The following C10orf143 variants were observed in gnomAD, a reference collection of about 807,000 sequenced individuals.
The protein encoded by C10orf143 is chromosome 10 open reading frame 143.
intron 3 of C10orf143, among the ~76,000 whole-genome samples, chr10:130,076,280 G>C (rs1015182794): frequency 6.6e-6 from 1 of 152,180 alleles, no homozygotes; most frequent in Non-Finnish European, 1.5e-5. Context: ...GAGGGCTAGA[G>C]AGAGAGAGAA....
At chr10:130,051,243 CCCCG>C (rs1590005609) in intron 3 of C10orf143, among the ~76,000 whole-genome samples, 1 of 151,520 alleles carries the variant, frequency 6.6e-6, no homozygotes, top group Non-Finnish European at 1.5e-5. Flanking sequence ...CCTCTCCTAC[CCCCG>C]CCTCATTAAG....
intron 1 of C10orf143, among the ~76,000 whole-genome samples, chr10:130,103,787 G>A (rs895221024): frequency 3.3e-5 from 5 of 151,460 alleles, no homozygotes; most frequent in Admixed American, 6.6e-5. Flanking sequence ...TGCAACCTGG[G>A]CAACAGAGCA....
At chr10:130,097,284 C>T (rs1003749216) in intron 1 of C10orf143, among the ~76,000 whole-genome samples, 3 of 152,018 alleles carry the variant, frequency 2.0e-5, no homozygotes, top group African/African-American at 7.2e-5. Flanking sequence ...CAGGCATGGG[C>T]GCTCATGCCT....
downstream of C10orf143, among the ~76,000 whole-genome samples, chr10:130,063,512 T>A (rs1860880439): frequency 6.6e-6 from 1 of 152,212 alleles, no homozygotes; most frequent in Non-Finnish European, 1.5e-5. Context: ...TTCTGGATCA[T>A]CCATATCCCA....
Position 130,110,752 on chromosome 10 carries a change from GC to G in C10orf143, c.20del (p.Gly7AlafsTer17). On this transcript the variant is annotated frameshift_variant, in exon 1 of 4. Transcript: ENST00000637128. LOFTEE classifies it high-confidence loss of function. MDSLAL[G>X]RWRQRRAEDL... is the part of the protein sequence containing the mutation. ...CCTCCGCCCTCCGCTGTCGCCAGCG[GC>G]CGAGCGCTAAGCTGTCCATGCAGCC... 1 of 398,978 alleles carries G rather than the reference GC, an allele frequency of 2.5e-6. No homozygotes were observed. Among genetic ancestry groups the G allele is most frequent in the Admixed American group, 4.4e-5 (1 of 22,744 alleles). The allele number at this position is 398,978 out of a possible 1,614,324, so 24.7% of individuals were successfully genotyped here.
At chr10:130,104,004 T>C (rs1861599848) in intron 1 of C10orf143, 1 of 152,116 alleles carries the variant, frequency 6.6e-6, no homozygotes, top group African/African-American at 2.4e-5. Flanking sequence ...TGGACATGAA[T>C]CTTTAGGCGT....
intron 1 of C10orf143, among the ~76,000 whole-genome samples, chr10:130,089,077 T>C (rs926873155): frequency 6.6e-6 from 1 of 152,214 alleles, no homozygotes; most frequent in Non-Finnish European, 1.5e-5. Context: ...AGTTCTGATA[T>C]GAGCAAGCCA....
chr10:130,043,513 G>A (rs1358299353), intron 3 of C10orf143, among the ~76,000 whole-genome samples: 5 of 152,198 alleles, frequency 3.3e-5, no homozygotes, highest in African/African-American at 7.2e-5. Flanking sequence ...AACTTTGCTC[G>A]TTCCAGCAGC....
At chr10:130,037,725 C>G (rs1250337062) in intron 3 of C10orf143, among the ~76,000 whole-genome samples, 1 of 152,222 alleles carries the variant, frequency 6.6e-6, no homozygotes, top group African/African-American at 2.4e-5. Flanking sequence ...TACGTGACAA[C>G]TGTCAGACAA....
chr10:130,087,342 T>A (rs1225812681), intron 1 of C10orf143, among the ~76,000 whole-genome samples: 2 of 152,142 alleles, frequency 1.3e-5, no homozygotes, highest in Non-Finnish European at 2.9e-5. Flanking sequence ...TTGTACTATA[T>A]GAACGAAATG....
chr10:130,094,598 T>C (rs1861434490), intron 1 of C10orf143, among the ~76,000 whole-genome samples: 1 of 152,074 alleles, frequency 6.6e-6, no homozygotes, highest in Admixed American at 6.6e-5. Flanking sequence ...ATGTAATCCA[T>C]GACATAAGCA....
intron 3 of C10orf143, among the ~76,000 whole-genome samples, chr10:130,070,691 G>A (rs1861015926): frequency 6.6e-6 from 1 of 152,084 alleles, no homozygotes; most frequent in African/African-American, 2.4e-5. Context: ...TATTCCTTTA[G>A]TAGATATATA....
chr10:130,096,439 A>G (rs1185702), intron 1 of C10orf143, among the ~76,000 whole-genome samples: 95,445 of 150,598 alleles, frequency 0.63, 30,553 homozygotes, highest in Admixed American at 0.72. Flanking sequence ...TCCCATTACT[A>G]GGTATAAACC....
At chr10:130,105,935 T>G in intron 1 of C10orf143, 1 of 379,018 alleles carries the variant, frequency 2.6e-6, no homozygotes, top group East Asian at 7.1e-5. Context: ...TCCACAATGG[T>G]CTGCTCCGGT....
At chr10:130,088,907 T>C (rs1003992236) in intron 1 of C10orf143, among the ~76,000 whole-genome samples, 4 of 152,228 alleles carry the variant, frequency 2.6e-5, no homozygotes, top group African/African-American at 9.6e-5. Flanking sequence ...GTTAGGATTC[T>C]CACACTGAAC....
intron 3 of C10orf143, 149 bp downstream of exon 3, chr10:130,079,417 A>C: frequency 2.5e-6 from 1 of 396,796 alleles, no homozygotes. Context: ...TAGAATGCTA[A>C]GAAAAGCTTA....
intron 3 of C10orf143, among the ~76,000 whole-genome samples, chr10:130,074,737 CT>C (rs1475982320): frequency 6.6e-6 from 1 of 152,098 alleles, no homozygotes; most frequent in Non-Finnish European, 1.5e-5. Context: ...AACAGAAATA[CT>C]TTAAAGGTAA....
chr10:130,053,597 T>C (rs1353267835), intron 3 of C10orf143, among the ~76,000 whole-genome samples: 1 of 152,136 alleles, frequency 6.6e-6, no homozygotes, highest in Non-Finnish European at 1.5e-5. Context: ...AGGAGCTTGC[T>C]GTTGGGCGTG....
At chr10:130,107,639 T>A (rs956507173) in intron 1 of C10orf143, 1 of 1,331,752 alleles carries the variant, frequency 7.5e-7, no homozygotes, top group African/African-American at 1.4e-5. Context: ...AACGAGAGCT[T>A]TTCTCTCTCC....
Sources: gnomAD v4.1 joint callset for allele counts (sites outside exome capture counted in the v4.1 genomes callset) on GRCh38, gnomAD v4.1.1 for gene constraint, MANE v1.5 for transcripts, NCBI Gene and HGNC (gene_info 2026-07-23, HGNC 2026-07-21) for gene names.